SKIC2: variants seen among roughly 807,000 people sequenced by gnomAD.
SKIC2 encodes SKI2 subunit of superkiller complex.
At chr6:31,967,793 A>C in the SKIC2 span, 1 of 1,612,764 alleles carries the variant, frequency 6.2e-7, no homozygotes, top group Non-Finnish European at 8.5e-7. The surrounding 1 kb of genome is among the most constrained non-coding windows in gnomAD (Gnocchi z 4.9). Context: ...CCCACAGGAC[A>C]GGGGGCCAGC....
chr6:31,967,681 AC>A, the SKIC2 span: 1 of 1,608,594 alleles, frequency 6.2e-7, no homozygotes, highest in Non-Finnish European at 8.5e-7. The surrounding 1 kb of genome is among the most constrained non-coding windows in gnomAD (Gnocchi z 4.9). Context: ...TACTCATCAC[AC>A]CCCCCTCTCC....
the SKIC2 span, chr6:31,967,452 G>A: frequency 1.6e-6 from 2 of 1,231,044 alleles, no homozygotes; most frequent in Non-Finnish European, 2.4e-6. The surrounding 1 kb of genome is among the most constrained non-coding windows in gnomAD (Gnocchi z 4.9). Context: ...CACTTGGCCA[G>A]GGCAGGTTGC....
the SKIC2 span, among the ~76,000 whole-genome samples, chr6:31,964,731 G>A: frequency 7.5e-3 from 1,146 of 152,292 alleles, 49 homozygotes; most frequent in East Asian, 0.13. This position sits in a 1 kb window ranked among gnomAD's most constrained non-coding sequence, Gnocchi z 5.0. Context: ...AGTTCATGCC[G>A]AGTGTTGCCA....
the SKIC2 span, chr6:31,963,126 G>A: frequency 2.4e-5 from 34 of 1,404,174 alleles, no homozygotes; most frequent in Admixed American, 2.2e-4. The surrounding 1 kb of genome is among the most constrained non-coding windows in gnomAD (Gnocchi z 5.3). Context: ...TGGGTGAAGG[G>A]GGCTACAGTA....
chr6:31,963,797 T>C, the SKIC2 span: 8 of 1,505,538 alleles, frequency 5.3e-6, no homozygotes, highest in Non-Finnish European at 6.3e-6. This position sits in a 1 kb window ranked among gnomAD's most constrained non-coding sequence, Gnocchi z 5.3. Context: ...TTTTTTCCCC[T>C]TGTCCCCCAG....
At chr6:31,966,614 G>A in the SKIC2 span, 4 of 1,330,776 alleles carry the variant, frequency 3.0e-6, no homozygotes, top group Non-Finnish European at 4.2e-6. The surrounding 1 kb of genome is among the most constrained non-coding windows in gnomAD (Gnocchi z 5.9). Flanking sequence ...GCAGAGCTAG[G>A]ACCGGATCTG....
the SKIC2 span, chr6:31,967,985 C>T: frequency 6.2e-7 from 1 of 1,613,120 alleles, no homozygotes; most frequent in Non-Finnish European, 8.5e-7. The surrounding 1 kb of genome is among the most constrained non-coding windows in gnomAD (Gnocchi z 4.9). Flanking sequence ...GGTCAAGCTC[C>T]AGCCAGGAGA....
chr6:31,960,420 C>A, the SKIC2 span: 3 of 1,609,522 alleles, frequency 1.9e-6, no homozygotes, highest in Non-Finnish European at 1.7e-6. Context: ...GGGCTCTGAT[C>A]TCTTGCCTTA....
chr6:31,969,706 C>T, the SKIC2 span: 5 of 1,594,198 alleles, frequency 3.1e-6, 1 homozygote, highest in South Asian at 2.3e-5. The surrounding 1 kb of genome is among the most constrained non-coding windows in gnomAD (Gnocchi z 6.1). Context: ...CCAGCCTCTA[C>T]ACCCAGTGAA....
At chr6:31,962,861 C>G in the SKIC2 span, 15 of 1,357,446 alleles carry the variant, frequency 1.1e-5, no homozygotes, top group South Asian at 1.6e-4. The surrounding 1 kb of genome is among the most constrained non-coding windows in gnomAD (Gnocchi z 5.0). Flanking sequence ...TGAGCGTCTC[C>G]CTTATTCCAC....
At chr6:31,969,608 G>C in the SKIC2 span, 4 of 1,613,096 alleles carry the variant, frequency 2.5e-6, no homozygotes, top group Non-Finnish European at 3.4e-6. The surrounding 1 kb of genome is among the most constrained non-coding windows in gnomAD (Gnocchi z 6.1). Flanking sequence ...CTCACTGCGG[G>C]GGGCAGCCCG....
the SKIC2 span, chr6:31,968,594 C>T: frequency 1.3e-6 from 2 of 1,554,336 alleles, no homozygotes. The surrounding 1 kb of genome is among the most constrained non-coding windows in gnomAD (Gnocchi z 6.1). Flanking sequence ...CCTCTGTGGT[C>T]CCCTGTAGAC....
chr6:31,965,026 G>A, the SKIC2 span, among the ~76,000 whole-genome samples: 1 of 152,168 alleles, frequency 6.6e-6, no homozygotes, highest in Admixed American at 6.5e-5. This position sits in a 1 kb window ranked among gnomAD's most constrained non-coding sequence, Gnocchi z 5.6. Context: ...GCTGAGGCAG[G>A]AGAATTGCTT....
At chr6:31,959,881 C>T in the SKIC2 span, 8 of 698,482 alleles carry the variant, frequency 1.1e-5, no homozygotes, top group African/African-American at 8.9e-5. Context: ...AGTTTTTGGC[C>T]AAGCCTGATT....
the SKIC2 span, chr6:31,963,969 C>G: frequency 2.5e-6 from 4 of 1,612,404 alleles, no homozygotes; most frequent in East Asian, 6.7e-5. This position sits in a 1 kb window ranked among gnomAD's most constrained non-coding sequence, Gnocchi z 5.3. Context: ...CCCAGTTGCC[C>G]GTGGTGGTGT....
At chr6:31,959,960 A>C in the SKIC2 span, 3 of 1,323,356 alleles carry the variant, frequency 2.3e-6, no homozygotes, top group Non-Finnish European at 3.3e-6. Context: ...TTTTGTCTGC[A>C]TTTTATCCTC....
At chr6:31,964,271 G>A in the SKIC2 span, 9 of 1,612,992 alleles carry the variant, frequency 5.6e-6, no homozygotes, top group African/African-American at 5.3e-5. This position sits in a 1 kb window ranked among gnomAD's most constrained non-coding sequence, Gnocchi z 5.0. Flanking sequence ...CGGCCTGGGT[G>A]TGCACCATAG....
At chr6:31,963,584 G>A in the SKIC2 span, 1 of 1,543,296 alleles carries the variant, frequency 6.5e-7, no homozygotes, top group Non-Finnish European at 8.7e-7. This position sits in a 1 kb window ranked among gnomAD's most constrained non-coding sequence, Gnocchi z 5.3. Context: ...GGGGGAAAGA[G>A]TTAGGGCTGG....
At chr6:31,964,071 CT>C in the SKIC2 span, 2 of 1,612,666 alleles carry the variant, frequency 1.2e-6, no homozygotes, top group South Asian at 1.1e-5. The surrounding 1 kb of genome is among the most constrained non-coding windows in gnomAD (Gnocchi z 5.0). Flanking sequence ...AGATCCACCT[CT>C]TCCTGCAGCG....
Sources: allele counts gnomAD v4.1 joint callset (sites outside exome capture counted in the v4.1 genomes callset), GRCh38; gene constraint gnomAD v4.1.1; non-coding constraint Gnocchi (gnomAD v3.1); transcripts MANE v1.5; gene names NCBI Gene and HGNC (gene_info 2026-07-23, HGNC 2026-07-21).